SDR39U1: variants seen among roughly 807,000 people sequenced by gnomAD.
SDR39U1 encodes epimerase family protein SDR39U1.
Under a neutral mutation model 31.7 loss-of-function variants are expected in SDR39U1, and 29 were observed. That is an observed-to-expected ratio of 0.92 (90% CI 0.68 to 1.25). SDR39U1 has a LOEUF of 1.25. SDR39U1 is among the 50% of genes most tolerant of loss of function. The probability of loss-of-function intolerance (pLI) is 0.00; values close to 1 mark genes in which losing one functional copy is unlikely to be tolerated. For missense variants in SDR39U1, 403 were observed against 378.4 expected (o/e 1.06, Z -0.54); for synonymous variants, 147 against 159.0 (o/e 0.92, Z 0.57).
At chr14:24,440,734 C>T (rs747313609) in intron 5 of SDR39U1, 49 bp downstream of exon 5, 1 of 1,596,778 alleles carries the variant, frequency 6.3e-7, no homozygotes, top group Admixed American at 1.7e-5. Context: ...ACTTCCCCAG[C>T]CCAGAGAAGA....
Position 24,439,948 on chromosome 14 carries a change from GAAC to G in SDR39U1, c.*132_*134del, listed in dbSNP as rs1322608706. Reference sequence around the variant, plus strand: ...CTTGAGACAATAAGGTGGAGCAACAGAACAATGGGAAAGAGGACTGGGAGAGGA... The same window carrying G: ...CTTGAGACAATAAGGTGGAGCAACAGAATGGGAAAGAGGACTGGGAGAGGA... On this transcript the variant is annotated 3_prime_UTR_variant, in exon 6 of 6. Coordinates refer to ENST00000399395, the MANE Select transcript of SDR39U1 (RefSeq NM_020195.3). 11 of 695,912 alleles carry G rather than the reference GAAC, an allele frequency of 1.6e-5. No individual in the cohort carries two copies. The highest frequency in any genetic ancestry group is 2.6e-5 in the Non-Finnish European group (11 of 426,452). 43.1% of individuals were successfully genotyped at this position (695,912 alleles called of 1,614,324 possible).
Position 24,442,754 on chromosome 14 carries a change from C to T in SDR39U1, c.16G>A (p.Gly6Ser). 1 of 1,614,042 alleles carries T rather than the reference C, an allele frequency of 6.2e-7. No homozygotes were observed. Among genetic ancestry groups the T allele is most frequent in the South Asian group, 1.1e-5 (1 of 91,086 alleles). The part of the protein sequence containing the change: MRVLV[G>S]GGTGFIGTAL... Reference sequence around the variant, plus strand: ...ACTCTCCCTTTCTGCCCTCCCTCACCCACAAGCACACGCATAGCGACTAGG... The same window carrying T: ...ACTCTCCCTTTCTGCCCTCCCTCACTCACAAGCACACGCATAGCGACTAGG... The change falls in exon 1 of 6, where the codon GGT becomes AGT. Residue 6 changes from glycine to serine, a missense_variant and splice_region_variant. Transcript: ENST00000399395.
chr14:24,440,590 G>T, intron 5 of SDR39U1, 98 bp from the exon 6 acceptor site: 1 of 1,435,578 alleles, frequency 7.0e-7, no homozygotes, highest in Non-Finnish European at 9.5e-7. Context: ...CTCTCCCCAT[G>T]CTGACTTGGC....
At chr14:24,442,126 G>A in intron 3 of SDR39U1, 52 bp downstream of exon 3, 1 of 1,579,436 alleles carries the variant, frequency 6.3e-7, no homozygotes, top group Non-Finnish European at 8.6e-7. Context: ...CATCAGTGGG[G>A]CACTGTCCTC....
chr14:24,442,159 C>G lies in SDR39U1; in HGVS notation c.206+19G>C, dbSNP rs1488906950. 5.0e-6 allele frequency: 8 copies of G among 1,605,512 alleles called. No homozygotes were observed. The highest frequency in any genetic ancestry group is 6.8e-6 in the Non-Finnish European group (8 of 1,175,988). ...CTCCCTGTGCTCTAGTGGGTATCAG[C>G]TTTAGGGCCCGGGCTGACCTTCGGA... On this transcript the variant is annotated intron_variant, in intron 3 of 5. Coordinates refer to ENST00000399395, the MANE Select transcript of SDR39U1 (RefSeq NM_020195.3).
intron 4 of SDR39U1, 116 bp downstream of exon 4, chr14:24,441,558 C>T: frequency 1.2e-6 from 1 of 836,838 alleles, no homozygotes; most frequent in Non-Finnish European, 1.8e-6. Flanking sequence ...GATCAAGGGC[C>T]TAGGAAGTCA....
chr14:24,442,247 G>A lies in SDR39U1; in HGVS notation c.137C>T (p.Ala46Val). ...PGRITWDELAASGLPSCDAAV... is the reference protein window; with the variant it reads ...PGRITWDELAVSGLPSCDAAV... ...GGCATCGCAGCTCGGCAGCCCCGAT[G>A]CAGCGAGCTCATCCTGTCGGAGAAA... Residue 46 changes from alanine (A) to valine (V), a missense_variant, in exon 3 of 6, where the codon GCA becomes GTA. Transcript: ENST00000399395. 6.2e-7 allele frequency: 1 copy of A among 1,610,374 alleles called. No individual in the cohort carries two copies. Among genetic ancestry groups the A allele is most frequent in the Non-Finnish European group, 8.5e-7 (1 of 1,178,622 alleles).
chr14:24,440,334 C>G lies in SDR39U1; in HGVS notation c.631G>C (p.Val211Leu). ...GCCACTCCATTCAGGACCCCGTGCA[C>G]GTGGTTTGCTTCAAGGGCATGGGTC... ...ILTHALEANH[V>L]HGVLNGVAPS... Residue 211 changes from valine (V) to leucine (L), a missense_variant, in exon 6 of 6, where the codon GTG (valine) becomes CTG (leucine). Coordinates refer to ENST00000399395, the MANE Select transcript of SDR39U1 (RefSeq NM_020195.3). The G allele has an allele frequency of 2.5e-6, 4 of 1,614,010 alleles. No individual in the cohort carries two copies. The highest frequency in any genetic ancestry group is 3.4e-6 in the Non-Finnish European group (4 of 1,179,894).
Position 24,440,475 on chromosome 14 carries a change from C to A in SDR39U1, c.490G>T (p.Gly164Trp). The A allele has an allele frequency of 3.1e-6, 5 of 1,606,222 alleles. No homozygotes were observed. The South Asian group carries it at 3.3e-5, about 11-fold the overall frequency. The change falls in exon 6 of 6, where the codon GGG becomes TGG. Residue 164 changes from glycine (G) to tryptophan (W), a missense_variant. By Grantham distance (184) the Gly-to-Trp change is radical. Coordinates refer to ENST00000399395, the MANE Select transcript of SDR39U1 (RefSeq NM_020195.3). Reference sequence around the variant, plus strand: ...AGCATGTGGCCCATGGCACCACCCCCACGGCCCAGCACAACCCCTAGAGCA... The same window carrying A: ...AGCATGTGGCCCATGGCACCACCCCAACGGCCCAGCACAACCCCTAGAGCA... ...VVRSGVVLGR[G>W]GGAMGHMLLP...
rs1566506681 is a variant in SDR39U1 at position 24,440,789 on chromosome 14, GCAC to G, written c.463_465del (p.Val155del). 2 of 1,613,796 alleles carry G rather than the reference GCAC, an allele frequency of 1.2e-6. No individual in the cohort carries two copies. The highest frequency in any genetic ancestry group is 1.7e-6 in the Non-Finnish European group (2 of 1,179,822). ...ACCCAGGCCCGTTTCTCACCTGAGC[GCAC>G]CACCACCTGGCGTGTAGAATCTCCA... On this transcript the variant is annotated inframe_deletion, in exon 5 of 6. Coordinates refer to ENST00000399395, the MANE Select transcript of SDR39U1 (RefSeq NM_020195.3).
chr14:24,441,420 G>A (rs2043335977), intron 4 of SDR39U1: 2 of 504,042 alleles, frequency 4.0e-6, no homozygotes, highest in Non-Finnish European at 6.9e-6. Context: ...AAGAACTATG[G>A]TGTGAGAAGT....
At chr14:24,441,950 G>A in intron 3 of SDR39U1, 155 bp from the exon 4 acceptor site, 1 of 1,342,324 alleles carries the variant, frequency 7.4e-7, no homozygotes, top group South Asian at 1.3e-5. Flanking sequence ...TAGAGGGAAA[G>A]GGCATTCATT....
At chr14:24,441,591 C>A in intron 4 of SDR39U1, 83 bp downstream of exon 4, 1 of 1,201,894 alleles carries the variant, frequency 8.3e-7, no homozygotes, top group South Asian at 1.5e-5. Context: ...AAGACCAGTG[C>A]TCTGGTGTGT....
upstream of SDR39U1, chr14:24,442,827 G>C: frequency 6.3e-7 from 1 of 1,586,270 alleles, no homozygotes; most frequent in Non-Finnish European, 8.7e-7. Flanking sequence ...CCTCAGACGC[G>C]ACTACGACCT....
intron 3 of SDR39U1, 103 bp downstream of exon 3, chr14:24,442,075 T>C (rs901051542): frequency 1.3e-6 from 2 of 1,550,160 alleles, no homozygotes; most frequent in African/African-American, 2.7e-5. Context: ...TCGGTTTAGT[T>C]CGGAATCTGG....
intron 1 of SDR39U1, 133 bp downstream of exon 1, chr14:24,442,621 G>T: frequency 7.8e-7 from 1 of 1,289,688 alleles, no homozygotes; most frequent in Non-Finnish European, 1.1e-6. Flanking sequence ...GGATTAGGGA[G>T]ATTCGGCTTC....
intron 4 of SDR39U1, chr14:24,441,322 A>G (rs1323434249): frequency 6.7e-6 from 3 of 449,286 alleles, no homozygotes; most frequent in African/African-American, 3.9e-5. Flanking sequence ...ATAAATGATA[A>G]TAAGCATAAA....
rs1166247501 is a variant in SDR39U1 at position 24,439,867 on chromosome 14, G to C, written c.*216C>G. On this transcript the variant is annotated 3_prime_UTR_variant, in exon 6 of 6. Transcript: ENST00000399395. ...GCAGGACATGTAGAGAAACCAAACT[G>C]GGAAATCTTACAAGGAGTTGAAAAG... is the stretch of plus-strand genomic sequence containing the variant. The C allele has an allele frequency of 4.0e-6, 2 of 502,304 alleles. No homozygotes were observed. The highest frequency in any genetic ancestry group is 7.0e-6 in the Non-Finnish European group (2 of 285,404). The allele number at this position is 502,304 out of a possible 1,614,324, so 31.1% of individuals were successfully genotyped here. A position where few individuals can be genotyped will look rare whatever the true frequency, so the allele number is the denominator to read the frequency against.
At position 24,440,231 on chromosome 14, in the gene SDR39U1, G is replaced by A; in HGVS notation, c.734C>T (p.Pro245Leu). The A allele has an allele frequency of 1.2e-6, 2 of 1,613,938 alleles. No homozygotes were observed. Among genetic ancestry groups the A allele is most frequent in the African/African-American group, 1.3e-5 (1 of 75,060 alleles). Residue 245 changes from proline (P) to leucine (L), a missense_variant, in exon 6 of 6, where the codon CCC (proline) becomes CTC (leucine). Physicochemically the swap from Pro to Leu is moderately conservative, Grantham distance 98. Coordinates refer to ENST00000399395, the MANE Select transcript of SDR39U1 (RefSeq NM_020195.3). ...AAAGACAGCTTGCACCACAGCGCTG[G>A]GGAGAGGGATGAAGGCTCGGCGGCC... Reference protein sequence around the residue: ...ALGRRAFIPLPSAVVQAVFGR... With the variant: ...ALGRRAFIPLLSAVVQAVFGR...
Sources: gnomAD v4.1 joint callset for allele counts on GRCh38, gnomAD v4.1.1 for gene constraint, MANE v1.5 for transcripts, NCBI Gene and HGNC (gene_info 2026-07-23, HGNC 2026-07-21) for gene names.